Variants in IL18R1 observed in about 807,000 individuals in gnomAD.
IL18R1 encodes interleukin 18 receptor 1, also known as interleukin-18 receptor 1.
IL18R1 carries 40 observed loss-of-function variants against 48.5 expected under a neutral mutation model. That is an observed-to-expected ratio of 0.82 (90% CI 0.64 to 1.07). The LOEUF is 1.07. Ranked by LOEUF, IL18R1 falls within the 50% of genes least tolerant of loss-of-function variation. The probability of loss-of-function intolerance (pLI) is 0.00; values close to 1 mark genes in which losing one functional copy is unlikely to be tolerated. For synonymous variants in IL18R1, 232 were observed against 225.9 expected (o/e 1.03, Z -0.24); for missense variants, 596 against 633.7 (o/e 0.94, Z 0.64).
At position 102,394,577 on chromosome 2, in the gene IL18R1, A is replaced by G; in HGVS notation, c.1220A>G (p.His407Arg). 1.9e-6 allele frequency: 3 copies of G among 1,613,452 alleles called. No individual in the cohort carries two copies. Among genetic ancestry groups the G allele is most frequent in the Non-Finnish European group, 2.5e-6 (3 of 1,179,510 alleles). ...ATTTTGCCCAGGGTGTTGGAGAAAC[A>G]TTTTGGGTATAAGTTATGCATATTT... ...VEILPRVLEK[H>R]FGYKLCIFER... Residue 407 changes from histidine (H) to arginine (R), a missense_variant, in exon 10 of 11, where the codon CAT (histidine) becomes CGT (arginine). Physicochemically the swap from His to Arg is conservative, Grantham distance 29. Around this residue, in one of 3 missense-constraint regions of IL18R1, gnomAD observed 179 missense variants for 206.1 expected, o/e 0.87. Coordinates refer to ENST00000233957, the MANE Select transcript of IL18R1 (RefSeq NM_003855.5).
At chr2:102,362,838 C>A in intron 2 of IL18R1, 120 bp downstream of exon 2, 2 of 585,182 alleles carry the variant, frequency 3.4e-6, no homozygotes, top group Non-Finnish European at 5.9e-6. Flanking sequence ...AGAAAAGATT[C>A]TGCAGTCTGA....
Position 102,397,311 on chromosome 2 carries a change from G to T in IL18R1, c.*425G>T. On this transcript the variant is annotated 3_prime_UTR_variant, in exon 11 of 11. Coordinates refer to ENST00000233957, the MANE Select transcript of IL18R1 (RefSeq NM_003855.5). ...AAGAGGCATTTTCTAGGGACCAGTG[G>T]GTGACTGAGTAACTGAAATGCTGCT... 6.2e-6 allele frequency: 1 copy of T among 160,204 alleles called. No individual in the cohort carries two copies. The highest frequency in any genetic ancestry group is 6.2e-5 in the Admixed American group (1 of 16,112). 9.9% of individuals were successfully genotyped at this position (160,204 alleles called of 1,614,324 possible). A position where few individuals can be genotyped will look rare whatever the true frequency, so the allele number is the denominator to read the frequency against.
intron 5 of IL18R1, among the ~76,000 whole-genome samples, chr2:102,378,964 G>T (rs947593842): frequency 6.6e-6 from 1 of 152,186 alleles, no homozygotes; most frequent in South Asian, 2.1e-4. Context: ...TCCATGTTGT[G>T]TCTTTATTAC....
At position 102,397,109 on chromosome 2, in the gene IL18R1, G is replaced by T. The variant is rs922814068; in HGVS notation, c.*223G>T. On this transcript the variant is annotated 3_prime_UTR_variant, in exon 11 of 11. Coordinates refer to ENST00000233957, the MANE Select transcript of IL18R1 (RefSeq NM_003855.5). ...AGAAGACCTGGAATTCAAAAGAAAT[G>T]GAGCTATTCTTTTTCTCCCTCTTTC... 7.9e-5 allele frequency: 37 copies of T among 467,854 alleles called. 1 individual carries two copies. The highest frequency in any genetic ancestry group is 1.3e-4 in the Non-Finnish European group (34 of 267,580). The allele number at this position is 467,854 out of a possible 1,614,324, so 29.0% of individuals were successfully genotyped here.
chr2:102,394,348 C>T, intron 9 of IL18R1, 121 bp from the exon 10 acceptor site: 1 of 710,730 alleles, frequency 1.4e-6, no homozygotes, highest in Non-Finnish European at 2.2e-6. Context: ...ATATAAACAA[C>T]TTTATATATA....
chr2:102,378,329 G>T (rs1403338337), intron 5 of IL18R1, among the ~76,000 whole-genome samples: 1 of 152,208 alleles, frequency 6.6e-6, no homozygotes, highest in African/African-American at 2.4e-5. Context: ...AAATGGGACA[G>T]TAATGGTTCA....
chr2:102,377,108 C>T (rs1044071718), intron 5 of IL18R1, among the ~76,000 whole-genome samples: 2 of 152,158 alleles, frequency 1.3e-5, no homozygotes, highest in African/African-American at 4.8e-5. Flanking sequence ...GTGGCTTGTT[C>T]AACAAAATCT....
At position 102,386,886 on chromosome 2, in the gene IL18R1, T is replaced by C. The variant is rs1397770611; in HGVS notation, c.835T>C (p.Ser279Pro). Reference protein sequence around the residue: ...IMTPEGKWHASKVLRIENIGE... With the variant: ...IMTPEGKWHAPKVLRIENIGE... ...GACTCCAGAAGGCAAATGGCATGCTTCAAAAGTATTGAGAATTGAAAATAT... is the reference window on the plus strand; with the variant it reads ...GACTCCAGAAGGCAAATGGCATGCTCCAAAAGTATTGAGAATTGAAAATAT... Residue 279 changes from serine to proline, a missense_variant, in exon 8 of 11, where the codon TCA becomes CCA. Transcript: ENST00000233957. 6.2e-7 allele frequency: 1 copy of C among 1,614,200 alleles called. No homozygotes were observed. Among genetic ancestry groups the C allele is most frequent in the East Asian group, 2.2e-5 (1 of 44,890 alleles).
chr2:102,386,734 A>C, intron 7 of IL18R1, 127 bp from the exon 8 acceptor site: 347 of 830,722 alleles, frequency 4.2e-4, no homozygotes, highest in Non-Finnish European at 5.7e-4. Context: ...CTTTAAGAGT[A>C]CTGGCCAGAA....
At chr2:102,369,292 G>A (rs1248054390) in intron 3 of IL18R1, among the ~76,000 whole-genome samples, 3 of 152,216 alleles carry the variant, frequency 2.0e-5, no homozygotes, top group Non-Finnish European at 4.4e-5. Context: ...GAACAGCCAG[G>A]CATCTATGAT....
intron 7 of IL18R1, among the ~76,000 whole-genome samples, chr2:102,385,471 A>G (rs977228845): frequency 2.0e-5 from 3 of 152,234 alleles, no homozygotes; most frequent in African/African-American, 4.8e-5. Context: ...TATAAAAAGA[A>G]TCAGTCTAAA....
intron 4 of IL18R1, among the ~76,000 whole-genome samples, chr2:102,373,236 T>A (rs1559623243): frequency 1.3e-5 from 2 of 152,200 alleles, no homozygotes; most frequent in Non-Finnish European, 2.9e-5. Flanking sequence ...CTTTTACCTG[T>A]TGAATTTTAA....
In IL18R1 at chr2:102,393,637, A is replaced by C. The variant is rs181170111; in HGVS notation, c.1112-832A>C. Among the ~76,000 whole-genome samples the C allele has an allele frequency of 1.7e-4, 26 of 152,320 alleles. No individual in the cohort carries two copies. In the East Asian group the frequency reaches 5.0e-3, roughly 29 times the overall value. ...TATATGTAGCCTCAAACTCAGTAGCAAATTCATTAATCCCAACAATATGCC... is the reference window on the plus strand; with the variant it reads ...TATATGTAGCCTCAAACTCAGTAGCCAATTCATTAATCCCAACAATATGCC... On this transcript the variant is annotated intron_variant, in intron 9 of 10. Coordinates refer to ENST00000233957, the MANE Select transcript of IL18R1 (RefSeq NM_003855.5).
At chr2:102,371,230 G>A (rs1194812666) in intron 3 of IL18R1, among the ~76,000 whole-genome samples, 4 of 151,932 alleles carry the variant, frequency 2.6e-5, no homozygotes, top group Non-Finnish European at 5.9e-5. Flanking sequence ...TCACCACATT[G>A]GCCAGGCTGG....
chr2:102,369,014 C>T (rs1679080870), intron 3 of IL18R1, among the ~76,000 whole-genome samples: 1 of 152,070 alleles, frequency 6.6e-6, no homozygotes, highest in Non-Finnish European at 1.5e-5. Flanking sequence ...CATAGGAACT[C>T]CCAGGCATCA....
chr2:102,374,071 C>A, intron 4 of IL18R1: 1 of 257,900 alleles, frequency 3.9e-6, no homozygotes, highest in South Asian at 3.7e-5. Context: ...TGTAATGCGC[C>A]TGAATCATCC....
intron 2 of IL18R1, among the ~76,000 whole-genome samples, chr2:102,364,010 A>G (rs1024319491): frequency 6.6e-6 from 1 of 152,312 alleles, no homozygotes; most frequent in East Asian, 1.9e-4. Flanking sequence ...ATGGTAATCA[A>G]CAAAGCCTCT....
intron 2 of IL18R1, among the ~76,000 whole-genome samples, chr2:102,367,561 T>C (rs929967697): frequency 6.6e-6 from 1 of 152,212 alleles, no homozygotes; most frequent in Admixed American, 6.5e-5. Flanking sequence ...CTTCTAGCTA[T>C]GGTTGGTTAA....
intron 1 of IL18R1, among the ~76,000 whole-genome samples, chr2:102,357,318 C>G (rs890893048): frequency 1.3e-5 from 2 of 151,942 alleles, no homozygotes; most frequent in East Asian, 3.9e-4. Context: ...GGTGAAACCC[C>G]GTCTCTACTA....
Sources: gnomAD v4.1 joint callset for allele counts (sites outside exome capture counted in the v4.1 genomes callset) on GRCh38, gnomAD v4.1.1 for gene constraint, gnomAD v4.1.1 regional missense constraint, MANE v1.5 for transcripts, NCBI Gene and HGNC (gene_info 2026-07-23, HGNC 2026-07-21) for gene names.